The following AOPEP variants were observed in gnomAD, a reference collection of about 807,000 sequenced individuals.
AOPEP encodes aminopeptidase O (putative), also known as aminopeptidase O.
In AOPEP, 77 loss-of-function variants were observed where a neutral mutation model predicts 98.1. The ratio of observed to expected loss-of-function variants is 0.78; its 90% confidence interval spans 0.65 to 0.95. The LOEUF is 0.95. Among genes scored for constraint, AOPEP ranks in the 40% least tolerant of loss-of-function variants. The pLI, the probability that AOPEP is intolerant of heterozygous loss-of-function variation, is 0.00. For synonymous variants in AOPEP, 346 were observed against 365.3 expected, an observed-to-expected ratio of 0.95 and a Z score of 0.60; for missense variants, 1,024 against 1,024.7, an observed-to-expected ratio of 1.00 and a Z score of 0.01.
chr9:94,797,268 C>CT (rs888984158), intron 4 of AOPEP, among the ~76,000 whole-genome samples: 2 of 152,092 alleles, frequency 1.3e-5, no homozygotes, highest in African/African-American at 4.8e-5. Flanking sequence ...CCCGTCTCTA[C>CT]TAAAAATACA....
intron 5 of AOPEP, among the ~76,000 whole-genome samples, chr9:94,827,191 G>T (rs1287441223): frequency 6.6e-6 from 1 of 152,178 alleles, no homozygotes; most frequent in Admixed American, 6.5e-5. Flanking sequence ...AGAGTCATTA[G>T]TAGAGAGATG....
chr9:94,888,137 C>T (rs1160805423), intron 5 of AOPEP, among the ~76,000 whole-genome samples: 4 of 152,010 alleles, frequency 2.6e-5, no homozygotes, highest in East Asian at 1.9e-4. Flanking sequence ...TGAAAATAAG[C>T]GAGAAAATCT....
At chr9:95,139,834 T>TTA in the AOPEP span, among the ~76,000 whole-genome samples, 4,379 of 143,104 alleles carry the variant, frequency 0.031, 64 homozygotes, top group South Asian at 0.05. Context: ...ATATATATAT[T>TTA]TATATATATA....
chr9:94,966,762 T>G (rs898549222), intron 9 of AOPEP, among the ~76,000 whole-genome samples: 14 of 152,182 alleles, frequency 9.2e-5, no homozygotes, highest in Non-Finnish European at 2.1e-4. Context: ...TTTAATGTAG[T>G]TATGCCCCCA....
the AOPEP span, chr9:95,107,275 C>A: frequency 2.5e-6 from 4 of 1,612,766 alleles, no homozygotes; most frequent in African/African-American, 4.0e-5. Context: ...TGGACCTGGG[C>A]AATAGTATTT....
chr9:95,123,293 G>C, the AOPEP span: 1 of 294,206 alleles, frequency 3.4e-6, no homozygotes, highest in Non-Finnish European at 6.6e-6. Context: ...GGCAGAGTAA[G>C]AGCCTGTCTC....
intron 10 of AOPEP, among the ~76,000 whole-genome samples, chr9:94,973,807 T>C (rs2059676110): frequency 6.6e-6 from 1 of 152,196 alleles, no homozygotes; most frequent in South Asian, 2.1e-4. Flanking sequence ...AGAAGAGTAA[T>C]TTCCTGTAAG....
At chr9:94,792,192 A>C (rs868709058) in intron 3 of AOPEP, among the ~76,000 whole-genome samples, 17 of 152,356 alleles carry the variant, frequency 1.1e-4, no homozygotes, top group Non-Finnish European at 2.2e-4. Context: ...AACAGATAAC[A>C]GGGACTAAGG....
At chr9:94,971,246 A>T (rs150001672) in intron 10 of AOPEP, among the ~76,000 whole-genome samples, 1 of 152,174 alleles carries the variant, frequency 6.6e-6, no homozygotes, top group Non-Finnish European at 1.5e-5. Flanking sequence ...ATCACCAATC[A>T]CATGCCTTTT....
At chr9:94,831,586 T>C (rs1855968794) in intron 5 of AOPEP, among the ~76,000 whole-genome samples, 2 of 152,192 alleles carry the variant, frequency 1.3e-5, no homozygotes, top group Admixed American at 1.3e-4. Flanking sequence ...TCTAATTCTG[T>C]GAAGAATGTC....
chr9:94,952,932 A>G (rs941461094), intron 7 of AOPEP, among the ~76,000 whole-genome samples: 6 of 152,152 alleles, frequency 3.9e-5, no homozygotes, highest in Non-Finnish European at 7.3e-5. Context: ...TAGGCAAAGG[A>G]AAAAACAGCA....
intron 13 of AOPEP, among the ~76,000 whole-genome samples, chr9:95,037,871 G>A (rs1013665102): frequency 1.3e-5 from 2 of 152,180 alleles, no homozygotes; most frequent in African/African-American, 4.8e-5. Flanking sequence ...CTAATTTACA[G>A]TGATCTTGAC....
At chr9:95,131,091 A>G in the AOPEP span, among the ~76,000 whole-genome samples, 1 of 152,248 alleles carries the variant, frequency 6.6e-6, no homozygotes, top group Non-Finnish European at 1.5e-5. Flanking sequence ...TGTTGTTTAT[A>G]CACAAACAAT....
chr9:95,045,322 G>A (rs888647801), intron 13 of AOPEP, among the ~76,000 whole-genome samples: 2 of 152,222 alleles, frequency 1.3e-5, no homozygotes, highest in African/African-American at 2.4e-5. Flanking sequence ...GCCTTGGGGC[G>A]GCTGCAGGCT....
At chr9:94,902,493 G>A (rs1367390714) in intron 5 of AOPEP, among the ~76,000 whole-genome samples, 2 of 152,162 alleles carry the variant, frequency 1.3e-5, no homozygotes, top group African/African-American at 2.4e-5. Flanking sequence ...GTCAGGAATG[G>A]TAGTTTAGAC....
rs560354776 is a variant in AOPEP at position 94,900,834 on chromosome 9, C to A, written c.1365-23152C>A. On this transcript the variant is annotated intron_variant, in intron 5 of 16. Coordinates refer to ENST00000375315, the MANE Select transcript of AOPEP (RefSeq NM_001193329.3). ...TTGAGTTCTGGATAGATCTGCGATT[C>A]TGGGAACTGACTTTAAACAAAATCA... The A allele has an allele frequency of 3.9e-5, 6 of 152,264 alleles. No individual in the cohort carries two copies. The East Asian group carries it at 1.2e-3, about 29-fold the overall frequency. The allele number at this position is 152,264 out of a possible 1,614,324, so 9.4% of individuals were successfully genotyped here.
rs74324105 is a variant in AOPEP at position 94,933,006 on chromosome 9, T to C, written c.1661+4475T>C. Reference sequence around the variant, plus strand: ...CATGCCATTTTTCATTTGTTAATTATTGAAGATGTCTTTCCCACAGATAAG... The same window carrying C: ...CATGCCATTTTTCATTTGTTAATTACTGAAGATGTCTTTCCCACAGATAAG... On this transcript the variant is annotated intron_variant, in intron 7 of 16. Transcript: ENST00000375315. 9,603 of 985,400 alleles carry C rather than the reference T, an allele frequency of 9.7e-3. 688 individuals are homozygous for C. In the African/African-American group the frequency reaches 0.15, roughly 16 times the overall value. The allele number at this position is 985,400 out of a possible 1,614,324, so 61.0% of individuals were successfully genotyped here. A position where few individuals can be genotyped will look rare whatever the true frequency, so the allele number is the denominator to read the frequency against.
chr9:95,004,397 C>A, intron 11 of AOPEP: 1 of 403,432 alleles, frequency 2.5e-6, no homozygotes, highest in Non-Finnish European at 5.1e-6. Flanking sequence ...GGTCCACACT[C>A]GCGGGAGCGC....
Position 95,053,390 on chromosome 9 carries a change from T to A in AOPEP, c.2116-7304T>A, listed in dbSNP as rs186687631. Among the ~76,000 whole-genome samples the A allele has an allele frequency of 1.6e-4, 25 of 152,352 alleles. No individual in the cohort carries two copies. The East Asian group carries it at 4.8e-3, about 29-fold the overall frequency. ...GAACCTTTTTTCTAAAAACATTTCT[T>A]GCCATCTTCCTATATTACAAAAATA... is the stretch of plus-strand genomic sequence containing the variant. On this transcript the variant is annotated intron_variant, in intron 13 of 16. Transcript: ENST00000375315.
Sources: allele counts gnomAD v4.1 joint callset (sites outside exome capture counted in the v4.1 genomes callset), GRCh38; gene constraint gnomAD v4.1.1; transcripts MANE v1.5; gene names NCBI Gene and HGNC (gene_info 2026-07-23, HGNC 2026-07-21).